PRMT1: variants seen among roughly 807,000 people sequenced by gnomAD.
PRMT1 encodes protein arginine N-methyltransferase 1.
Under a neutral mutation model 47.4 loss-of-function variants are expected in PRMT1, and 5 were observed. That is an observed-to-expected ratio of 0.11 (90% CI 0.06 to 0.22). PRMT1 has a LOEUF of 0.22. PRMT1 is among the 10% of genes least tolerant of loss of function. PRMT1 has a pLI of 1.00. For missense variants in PRMT1, 249 were observed against 518.4 expected (o/e 0.48, Z 5.05); for synonymous variants, 227 against 204.6 (o/e 1.11, Z -0.94).
chr19:49,677,173 C>T (rs1391457315), upstream of PRMT1: 1 of 1,102,950 alleles, frequency 9.1e-7, no homozygotes, highest in South Asian at 2.9e-5. Context: ...AATCTTCCAG[C>T]GGGGTCGCGG....
At position 49,679,863 on chromosome 19, in the gene PRMT1, C is replaced by G; in HGVS notation, c.37-9C>G. ...TAGCTAATCCTTTTTCCCTGTTACT[C>G]TCTCCTAGAATTTTGTAGCCACCTT... is the stretch of plus-strand genomic sequence containing the variant. On this transcript the variant is annotated splice_polypyrimidine_tract_variant and intron_variant, in intron 1 of 10. Transcript: ENST00000454376. The G allele has an allele frequency of 6.2e-7, 1 of 1,610,294 alleles. No individual in the cohort carries two copies. Among genetic ancestry groups the G allele is most frequent in the Non-Finnish European group, 8.5e-7 (1 of 1,177,102 alleles).
In PRMT1 at chr19:49,688,159, C is replaced by T. The variant is rs755901454; in HGVS notation, c.1033-3C>T. The T allele has an allele frequency of 4.3e-6, 7 of 1,613,898 alleles. No individual in the cohort carries two copies. The highest frequency in any genetic ancestry group is 5.9e-6 in the Non-Finnish European group (7 of 1,179,826). On this transcript the variant is annotated splice_polypyrimidine_tract_variant and splice_region_variant and intron_variant, in intron 10 of 10. Transcript: ENST00000454376. This position sits in a 1 kb window ranked among gnomAD's most constrained non-coding sequence, Gnocchi z 5.3. ...CGCCCTCATGCCCCACCTCTCCCTG[C>T]AGCGGGACCTGGACTTCACCATCGA...
upstream of PRMT1, chr19:49,677,199 C>G: frequency 7.6e-7 from 1 of 1,309,540 alleles, no homozygotes; most frequent in South Asian, 2.2e-5. Flanking sequence ...GGGCCGTGGA[C>G]CCTCTGGTAT....
At chr19:49,682,131 G>C in intron 4 of PRMT1, 65 bp from the exon 5 acceptor site, 1 of 1,613,768 alleles carries the variant, frequency 6.2e-7, no homozygotes. Flanking sequence ...TCAGGGCTCA[G>C]GGATTGGATG....
rs1360934305 is a variant in PRMT1 at position 49,680,682 on chromosome 19, C to T, written c.192+94C>T. 6.8e-6 allele frequency: 7 copies of T among 1,031,430 alleles called. No individual in the cohort carries two copies. The highest frequency in any genetic ancestry group is 1.0e-5 in the Non-Finnish European group (7 of 680,694). 63.9% of individuals were successfully genotyped at this position (1,031,430 alleles called of 1,614,324 possible). On this transcript the variant is annotated intron_variant, in intron 3 of 10. Coordinates refer to ENST00000454376, the MANE Select transcript of PRMT1 (RefSeq NM_001536.6). This position sits in a 1 kb window ranked among gnomAD's most constrained non-coding sequence, Gnocchi z 4.2. ...GTTTTCCCACGCATGCGCACTGCTT[C>T]CCCTGGCCGCAGGCCGCCCCCCTGC... is the stretch of plus-strand genomic sequence containing the variant.
Position 49,685,671 on chromosome 19 carries a change from T to TACAG in PRMT1, c.760-421_760-418dup. The TACAG allele has an allele frequency of 4.8e-6, 5 of 1,031,408 alleles. No individual in the cohort carries two copies. Among genetic ancestry groups the TACAG allele is most frequent in the Non-Finnish European group, 5.8e-6 (5 of 858,162 alleles). The allele number at this position is 1,031,408 out of a possible 1,614,324, so 63.9% of individuals were successfully genotyped here. A position where few individuals can be genotyped will look rare whatever the true frequency, so the allele number is the denominator to read the frequency against. On this transcript the variant is annotated intron_variant, in intron 8 of 10. Coordinates refer to ENST00000454376, the MANE Select transcript of PRMT1 (RefSeq NM_001536.6). This position sits in a 1 kb window ranked among gnomAD's most constrained non-coding sequence, Gnocchi z 4.7. ...TGTTGAGTGGGGGAGGAGAGGAGAC[T>TACAG]ACAGGGGCAGGGACCCCACTCGGGC... is the stretch of plus-strand genomic sequence containing the variant.
chr19:49,688,265 G>C lies in PRMT1; in HGVS notation c.*20G>C. 1 of 1,612,002 alleles carries C rather than the reference G, an allele frequency of 6.2e-7. No homozygotes were observed. Among genetic ancestry groups the C allele is most frequent in the Non-Finnish European group, 8.5e-7 (1 of 1,178,794 alleles). ...CGCTGAGGCCCGGCTCTCCCGCCCTGCACGAGCCCAGGGGCTGAGCGTTCC... is the reference window on the plus strand; with the variant it reads ...CGCTGAGGCCCGGCTCTCCCGCCCTCCACGAGCCCAGGGGCTGAGCGTTCC... On this transcript the variant is annotated 3_prime_UTR_variant, in exon 11 of 11. Coordinates refer to ENST00000454376, the MANE Select transcript of PRMT1 (RefSeq NM_001536.6). The surrounding 1 kb of genome is among the most constrained non-coding windows in gnomAD (Gnocchi z 5.3).
chr19:49,682,779 ATTTTTT>A (rs58218406), intron 5 of PRMT1, among the ~76,000 whole-genome samples: 1 of 70,978 alleles, frequency 1.4e-5, no homozygotes, highest in Admixed American at 1.5e-4. Context: ...CATCCCCAGC[ATTTTTT>A]TTTTTTTTTT....
chr19:49,684,164 T>C lies in PRMT1; in HGVS notation c.555+95T>C, dbSNP rs1036554915. ...AATTTTTCCCACAGACGGGACTTAC[T>C]GTGGGGGCTTAGCTGCAAGGTGTTA... On this transcript the variant is annotated intron_variant, in intron 6 of 10. Coordinates refer to ENST00000454376, the MANE Select transcript of PRMT1 (RefSeq NM_001536.6). This position sits in a 1 kb window ranked among gnomAD's most constrained non-coding sequence, Gnocchi z 6.2. The C allele has an allele frequency of 1.3e-6, 2 of 1,518,720 alleles. No homozygotes were observed. Among genetic ancestry groups the C allele is most frequent in the South Asian group, 1.2e-5 (1 of 82,948 alleles). 94.1% of individuals were successfully genotyped at this position (1,518,720 alleles called of 1,614,324 possible).
chr19:49,680,311 GT>G lies in PRMT1; in HGVS notation c.91-174del. 1 of 1,328,596 alleles carries G rather than the reference GT, an allele frequency of 7.5e-7. No homozygotes were observed. The highest frequency in any genetic ancestry group is 1.1e-6 in the Non-Finnish European group (1 of 928,458). 82.3% of individuals were successfully genotyped at this position (1,328,596 alleles called of 1,614,324 possible). A position where few individuals can be genotyped will look rare whatever the true frequency, so the allele number is the denominator to read the frequency against. On this transcript the variant is annotated intron_variant, in intron 2 of 10. Transcript: ENST00000454376. This position sits in a 1 kb window ranked among gnomAD's most constrained non-coding sequence, Gnocchi z 4.2. Reference sequence around the variant, plus strand: ...GGGGGTCCTGGAAGTGGAAAATGGGGTTGTTAGGTTTTGGGGTTCCTGGGGG... The same window carrying G: ...GGGGGTCCTGGAAGTGGAAAATGGGGTGTTAGGTTTTGGGGTTCCTGGGGG...
At chr19:49,683,664 G>A (rs899688023) in intron 5 of PRMT1, 34 of 366,976 alleles carry the variant, frequency 9.3e-5, no homozygotes, top group Admixed American at 4.5e-4. Context: ...CTCCAGCCTG[G>A]GTGACAGAGC....
Position 49,686,565 on chromosome 19 carries a change from G to C in PRMT1, c.911-40G>C, listed in dbSNP as rs542276535. 4.7e-6 allele frequency: 7 copies of C among 1,505,324 alleles called. No homozygotes were observed. In the East Asian group the frequency reaches 1.2e-4, roughly 26 times the overall value. 93.2% of individuals were successfully genotyped at this position (1,505,324 alleles called of 1,614,324 possible). On this transcript the variant is annotated intron_variant, in intron 9 of 10. Transcript: ENST00000454376. ...GGAACGCAAGGGTGGGGTTGGGGGGGGCAGCAGGCCGAGGCCGGCTGACCC... is the reference window on the plus strand; with the variant it reads ...GGAACGCAAGGGTGGGGTTGGGGGGCGCAGCAGGCCGAGGCCGGCTGACCC...
chr19:49,677,300 C>T lies in PRMT1; in HGVS notation c.20C>T (p.Ala7Val), dbSNP rs769181104. 1.3e-5 allele frequency: 19 copies of T among 1,408,994 alleles called. No homozygotes were observed. In the Admixed American group the frequency reaches 2.0e-4, roughly 15 times the overall value. The allele number at this position is 1,408,994 out of a possible 1,614,324, so 87.3% of individuals were successfully genotyped here. A position where few individuals can be genotyped will look rare whatever the true frequency, so the allele number is the denominator to read the frequency against. The change falls in exon 1 of 11, where the codon GCG becomes GTG. Residue 7 changes from alanine (A) to valine (V), a missense_variant. By Grantham distance (64) the Ala-to-Val change is moderately conservative. Coordinates refer to ENST00000454376, the MANE Select transcript of PRMT1 (RefSeq NM_001536.6). MAAAEA[A>V]NCIMENFVAT... The stretch of plus-strand genomic sequence containing the variant: ...GTGAAGATGGCGGCAGCCGAGGCCG[C>T]GAACTGCATCATGGAGGTGAGCGCT...
rs974124664 is a variant in PRMT1, at chr19:49,683,975, A to T, written c.461A>T (p.Glu154Val). Residue 154 changes from glutamate (E) to valine (V), a missense_variant, in exon 6 of 11, where the codon GAG (glutamate) becomes GTG (valine). Physicochemically the swap from Glu to Val is moderately radical, Grantham distance 121 (BLOSUM62 -2). Transcript: ENST00000454376. ...GKVEEVELPVEKVDIIISEWM... is the reference protein window; with the variant it reads ...GKVEEVELPVVKVDIIISEWM... ...GTGGAGGAGGTGGAGCTCCCAGTGG[A>T]GAAGGTGGACATCATCATCAGCGAG... 1 of 1,613,972 alleles carries T rather than the reference A, an allele frequency of 6.2e-7. No homozygotes were observed. Among genetic ancestry groups the T allele is most frequent in the African/African-American group, 1.3e-5 (1 of 74,978 alleles).
rs756117505 is a variant in PRMT1, at chr19:49,680,456, C to G, written c.91-31C>G. On this transcript the variant is annotated intron_variant, in intron 2 of 10. Coordinates refer to ENST00000454376, the MANE Select transcript of PRMT1 (RefSeq NM_001536.6). This position sits in a 1 kb window ranked among gnomAD's most constrained non-coding sequence, Gnocchi z 4.2. Reference sequence around the variant, plus strand: ...AAGAGGCTGTGGGGAGCCCCCAGATCTGACCCATGATCCCATCGGCCCCCT... The same window carrying G: ...AAGAGGCTGTGGGGAGCCCCCAGATGTGACCCATGATCCCATCGGCCCCCT... 1 of 1,558,556 alleles carries G rather than the reference C, an allele frequency of 6.4e-7. No homozygotes were observed. The highest frequency in any genetic ancestry group is 8.9e-7 in the Non-Finnish European group (1 of 1,129,636).
chr19:49,683,855 T>C, intron 5 of PRMT1, 72 bp from the exon 6 acceptor site: 2 of 1,552,620 alleles, frequency 1.3e-6, no homozygotes, highest in Non-Finnish European at 1.7e-6. Context: ...CCCCAGGCTC[T>C]AGCCCCCGGG....
rs1400826288 is a variant in PRMT1 at position 49,681,056 on chromosome 19, A to C, written c.192+468A>C. ...GTGGCAAAATATGCATAAAATTGCC[A>C]TTTTTTATTTTTAGAGACGGTCTCG... On this transcript the variant is annotated intron_variant, in intron 3 of 10. Coordinates refer to ENST00000454376, the MANE Select transcript of PRMT1 (RefSeq NM_001536.6). The surrounding 1 kb of genome is among the most constrained non-coding windows in gnomAD (Gnocchi z 4.4). Among the ~76,000 whole-genome samples the C allele has an allele frequency of 3.3e-5, 5 of 152,174 alleles. No homozygotes were observed. Among genetic ancestry groups the C allele is most frequent in the Non-Finnish European group, 5.9e-5 (4 of 68,034 alleles).
Position 49,686,673 on chromosome 19 carries a change from A to G in PRMT1, c.979A>G (p.Thr327Ala), listed in dbSNP as rs1253662594. 9.3e-6 allele frequency: 15 copies of G among 1,612,246 alleles called. No individual in the cohort carries two copies. The highest frequency in any genetic ancestry group is 1.2e-5 in the Non-Finnish European group (14 of 1,179,462). The change falls in exon 10 of 11, where the codon ACG (threonine) becomes GCG (alanine). Residue 327 changes from threonine (T) to alanine (A), a missense_variant. Physicochemically the swap from Thr to Ala is moderately conservative, Grantham distance 58. Around this residue, in one of 2 missense-constraint regions of PRMT1, gnomAD observed 190 missense variants for 456.7 expected, o/e 0.42. Transcript: ENST00000454376. ...FYMEDYLTVK[T>A]GEEIFGTIGM... ...CATGGAGGACTACCTGACCGTGAAG[A>G]CGGGCGAGGAGATCTTCGGCACCAT...
chr19:49,682,326 C>T (rs2082131248), intron 5 of PRMT1, 67 bp downstream of exon 5: 4 of 1,531,296 alleles, frequency 2.6e-6, no homozygotes, highest in Non-Finnish European at 2.7e-6. Flanking sequence ...CCAGGGCCCT[C>T]TGAAGAGCAG....
Sources: allele counts gnomAD v4.1 joint callset (sites outside exome capture counted in the v4.1 genomes callset), GRCh38; gene constraint gnomAD v4.1.1; regional missense constraint gnomAD v4.1.1; non-coding constraint Gnocchi (gnomAD v3.1); transcripts MANE v1.5; gene names NCBI Gene and HGNC (gene_info 2026-07-23, HGNC 2026-07-21).